Variants in PTK2 observed in about 807,000 individuals in gnomAD.
PTK2 encodes the protein protein tyrosine kinase 2, also known as focal adhesion kinase 1.
Under a neutral mutation model 150.1 loss-of-function variants are expected in PTK2, and 45 were observed. The ratio of observed to expected loss-of-function variants is 0.30; its 90% CI spans 0.24 to 0.38. The LOEUF (loss-of-function observed/expected upper bound fraction) is 0.38, where lower values mean the gene tolerates loss of function less well. Among genes scored for constraint, PTK2 ranks in the 10% least tolerant of loss-of-function variants. PTK2 has a pLI of 1.00. For missense variants in PTK2, 919 were observed against 1,307.3 expected (o/e 0.70, Z 4.58); for synonymous variants, 432 against 449.2 (o/e 0.96, Z 0.48).
At chr8:140,956,950 A>G (rs889305076) in intron 1 of PTK2, among the ~76,000 whole-genome samples, 2 of 152,212 alleles carry the variant, frequency 1.3e-5, no homozygotes, top group Non-Finnish European at 2.9e-5. Context: ...AGTCCCAGCT[A>G]CTTGAGAGGC....
chr8:140,694,294 G>A (rs560084109), intron 26 of PTK2, among the ~76,000 whole-genome samples: 6 of 152,028 alleles, frequency 3.9e-5, no homozygotes, highest in Admixed American at 1.3e-4. Context: ...GTCTGCCTCG[G>A]CCTCCCAAAA....
At chr8:140,873,951 A>G (rs2100144064) in intron 4 of PTK2, among the ~76,000 whole-genome samples, 1 of 152,174 alleles carries the variant, frequency 6.6e-6, no homozygotes, top group East Asian at 1.9e-4. Flanking sequence ...TGGAGCTCTT[A>G]AGAAAATCTT....
intron 22 of PTK2, chr8:140,734,730 G>C (rs368264059): frequency 1.9e-6 from 1 of 517,950 alleles, no homozygotes; most frequent in Non-Finnish European, 3.9e-6. Context: ...TCTCTCTTTC[G>C]GGGCAGGGTT....
chr8:140,812,118 A>C (rs2154601186), intron 10 of PTK2, among the ~76,000 whole-genome samples: 3 of 152,324 alleles, frequency 2.0e-5, no homozygotes, highest in African/African-American at 7.2e-5. Context: ...AAATTCTTCA[A>C]GGTGGAAATG....
At position 140,695,649 on chromosome 8, in the gene PTK2, G is replaced by A. The variant is rs147298263; in HGVS notation, c.2499+5242C>T. On this transcript the variant is annotated intron_variant, in intron 26 of 31. Coordinates refer to ENST00000522684, the Ensembl canonical transcript of PTK2. ...ACTCCTGACCTCAGATGATCCATCC[G>A]CCTCAGCCTCCCAAAGTACTGGGAT... Among the ~76,000 whole-genome samples the A allele has an allele frequency of 4.6e-5, 7 of 152,170 alleles. No individual in the cohort carries two copies. In the East Asian group the frequency reaches 5.8e-4, roughly 13 times the overall value.
At chr8:140,686,574 C>T (rs1363162935) in intron 27 of PTK2, 58 bp downstream of exon 30, 1 of 1,334,748 alleles carries the variant, frequency 7.5e-7, no homozygotes, top group Non-Finnish European at 1.1e-6. Flanking sequence ...GACATAAACA[C>T]TGATGGTCCA....
rs573034595 is a variant in PTK2, at chr8:140,727,153, G to A, written c.2030+8098C>T. On this transcript the variant is annotated intron_variant, in intron 22 of 31. Coordinates refer to ENST00000522684, the Ensembl canonical transcript of PTK2. ...AAAGAGAGGTGGATGTTAAGTTATT[G>A]GTTTCAAAGTGCCAAATTGTGCACT... Among the ~76,000 whole-genome samples, 204 of 152,266 alleles carry A rather than the reference G, an allele frequency of 1.3e-3. 1 individual carries two copies. Among genetic ancestry groups the A allele is most frequent in the Non-Finnish European group, 2.5e-3 (172 of 68,016 alleles).
chr8:140,835,606 G>T (rs1185892347), intron 7 of PTK2, among the ~76,000 whole-genome samples: 1 of 152,272 alleles, frequency 6.6e-6, no homozygotes, highest in East Asian at 1.9e-4. Context: ...TCATCCTGGG[G>T]ATGAAGTTGT....
chr8:140,858,124 A>T (rs1050740903), intron 5 of PTK2, among the ~76,000 whole-genome samples: 1 of 152,244 alleles, frequency 6.6e-6, no homozygotes, highest in African/African-American at 2.4e-5. Flanking sequence ...AAAAAAATCA[A>T]CAAATGCACC....
chr8:140,803,477 G>A (rs1444651171), intron 11 of PTK2, 66 bp downstream of exon 11: 1 of 1,335,762 alleles, frequency 7.5e-7, no homozygotes, highest in Non-Finnish European at 1.1e-6. Flanking sequence ...TCATAAAAAA[G>A]TCAACAATTC....
At chr8:140,767,304 G>C (rs1417647325) in intron 14 of PTK2, among the ~76,000 whole-genome samples, 2 of 151,684 alleles carry the variant, frequency 1.3e-5, no homozygotes, top group East Asian at 1.9e-4. Flanking sequence ...AATCTCTGGG[G>C]ATGTATCAAA....
At chr8:140,746,370 T>TA (rs2100058779) in intron 18 of PTK2, 1 of 157,084 alleles carries the variant, frequency 6.4e-6, no homozygotes, top group East Asian at 1.8e-4. Flanking sequence ...CCCAAAAAGA[T>TA]AAAGGAAATG....
chr8:140,707,896 C>T (rs940250594), intron 23 of PTK2, among the ~76,000 whole-genome samples: 3 of 152,182 alleles, frequency 2.0e-5, no homozygotes, highest in South Asian at 4.1e-4. Flanking sequence ...TTCCCGGTTG[C>T]GTGACTGTGA....
At chr8:140,801,504 T>C (rs1335731900) in intron 11 of PTK2, among the ~76,000 whole-genome samples, 3 of 152,214 alleles carry the variant, frequency 2.0e-5, no homozygotes, top group African/African-American at 7.2e-5. Flanking sequence ...CTCTTGTCAA[T>C]TACTTGATGT....
At chr8:140,766,587 C>T (rs183622725) in intron 14 of PTK2, among the ~76,000 whole-genome samples, 20 of 152,338 alleles carry the variant, frequency 1.3e-4, no homozygotes, top group Non-Finnish European at 2.4e-4. Context: ...TTGCTCAACA[C>T]TGTGTCCTCA....
chr8:140,842,910 A>G (rs1263828298), intron 7 of PTK2, among the ~76,000 whole-genome samples: 3 of 152,132 alleles, frequency 2.0e-5, no homozygotes, highest in African/African-American at 7.2e-5. Flanking sequence ...CTTTCCATGC[A>G]ATCCTCTAAG....
chr8:140,660,824 G>A (rs2078687582), intron 31 of PTK2, among the ~76,000 whole-genome samples: 1 of 152,224 alleles, frequency 6.6e-6, no homozygotes, highest in African/African-American at 2.4e-5. Context: ...CTTTGCATGG[G>A]AGAGTCTCAT....
chr8:141,000,522 C>T (rs1404343125), intron 1 of PTK2, among the ~76,000 whole-genome samples: 1 of 152,210 alleles, frequency 6.6e-6, no homozygotes, highest in Non-Finnish European at 1.5e-5. Context: ...CTGCCTCTCC[C>T]CTTTTGTTTT....
At chr8:140,750,578 T>C (rs2154515913) in intron 17 of PTK2, among the ~76,000 whole-genome samples, 1 of 152,286 alleles carries the variant, frequency 6.6e-6, no homozygotes, top group South Asian at 2.1e-4. Flanking sequence ...ATGTTTAAGC[T>C]GGGGCCTGAA....
Sources: gnomAD v4.1 joint callset for allele counts (sites outside exome capture counted in the v4.1 genomes callset) on GRCh38, gnomAD v4.1.1 for gene constraint, MANE v1.5 for transcripts, NCBI Gene and HGNC (gene_info 2026-07-23, HGNC 2026-07-21) for gene names.